MSI2: variants seen among roughly 807,000 people sequenced by gnomAD.
MSI2 encodes musashi RNA binding protein 2, also known as RNA-binding protein Musashi homolog 2.
A neutral mutation model predicts 45.6 loss-of-function variants in MSI2; 17 were observed. The observed-to-expected ratio is 0.37, with a 90% CI of 0.26 to 0.56. MSI2 has a LOEUF of 0.56. MSI2 is among the 20% of genes least tolerant of loss of function. The pLI is 0.77. For missense variants in MSI2, 293 were observed against 444.2 expected (o/e 0.66, Z 3.06); for synonymous variants, 156 against 158.2 (o/e 0.99, Z 0.11).
intron 11 of MSI2, chr17:57,671,673 G>GT (rs1912790204): frequency 6.7e-6 from 1 of 148,816 alleles, no homozygotes; most frequent in Non-Finnish European, 1.5e-5. Flanking sequence ...CCTTTCCTGC[G>GT]TAGCCAGCCA....
At chr17:57,622,476 A>G (rs754741893) in intron 9 of MSI2, among the ~76,000 whole-genome samples, 19 of 152,246 alleles carry the variant, frequency 1.2e-4, no homozygotes, top group Non-Finnish European at 2.4e-4. Context: ...TTAGAGAAAT[A>G]GCACATTGCT....
chr17:57,474,597 T>G (rs535548778), intron 6 of MSI2, among the ~76,000 whole-genome samples: 32 of 152,328 alleles, frequency 2.1e-4, no homozygotes, highest in African/African-American at 7.5e-4. Context: ...AAATTGCCCC[T>G]GGTTGAGAAT....
intron 7 of MSI2, among the ~76,000 whole-genome samples, chr17:57,568,539 A>C (rs1169561041): frequency 6.6e-6 from 1 of 152,194 alleles, no homozygotes; most frequent in Non-Finnish European, 1.5e-5. Context: ...AGGTGGTGAG[A>C]TCACTCTGAT....
chr17:57,419,886 C>G (rs764498018), intron 6 of MSI2, among the ~76,000 whole-genome samples: 1 of 152,162 alleles, frequency 6.6e-6, no homozygotes, highest in Non-Finnish European at 1.5e-5. Context: ...CCCCTGAGTC[C>G]GCACTGCTGC....
chr17:57,606,903 G>T (rs533328009), intron 8 of MSI2, among the ~76,000 whole-genome samples: 1 of 151,952 alleles, frequency 6.6e-6, no homozygotes, highest in Non-Finnish European at 1.5e-5. Flanking sequence ...GATGGGGGGG[G>T]GTGGCTGGCA....
intron 5 of MSI2, among the ~76,000 whole-genome samples, chr17:57,302,545 A>C (rs917664072): frequency 6.6e-6 from 1 of 152,236 alleles, no homozygotes; most frequent in African/African-American, 2.4e-5. Flanking sequence ...GAATCCAGGC[A>C]CACTTAAACA....
rs56105862 is a variant in MSI2 at position 57,468,520 on chromosome 17, CA to C, written c.406-61138del. On this transcript the variant is annotated intron_variant, in intron 6 of 13. Transcript: ENST00000284073. ...TGGGCAACAGAGCGAGACTCTATCTCAAAAAAAAAAAAAAAAAACAAGCAGT... is the reference window on the plus strand; with the variant it reads ...TGGGCAACAGAGCGAGACTCTATCTCAAAAAAAAAAAAAAAAACAAGCAGT... 3.8e-3 allele frequency among the ~76,000 whole-genome samples: 399 copies of C among 104,334 alleles called. 4 individuals carry two copies. The highest frequency in any genetic ancestry group is 0.011 in the African/African-American group (288 of 26,350). The allele number at this position is 104,334 out of a possible 152,430, so 68.4% of individuals were successfully genotyped here.
chr17:57,530,718 C>G (rs1015276954), intron 7 of MSI2, among the ~76,000 whole-genome samples: 1 of 152,132 alleles, frequency 6.6e-6, no homozygotes, highest in African/African-American at 2.4e-5. Context: ...CTGCTGTCAC[C>G]TGTGATTAGA....
Position 57,452,820 on chromosome 17 carries a change from C to T in MSI2, c.405+51349C>T, listed in dbSNP as rs188422655. 4.2e-3 allele frequency among the ~76,000 whole-genome samples: 643 copies of T among 152,188 alleles called. 8 individuals carry two copies. Among genetic ancestry groups the T allele is most frequent in the African/African-American group, 0.015 (617 of 41,512 alleles). On this transcript the variant is annotated intron_variant, in intron 6 of 13. Coordinates refer to ENST00000284073, the MANE Select transcript of MSI2 (RefSeq NM_138962.4). ...CCATGAGGGTGGTTCTGTCATCACC[C>T]TCGTCTTACAGGTGAGGACTTGGAG...
At chr17:57,534,341 G>A (rs2086879626) in intron 7 of MSI2, among the ~76,000 whole-genome samples, 1 of 152,224 alleles carries the variant, frequency 6.6e-6, no homozygotes, top group Non-Finnish European at 1.5e-5. Flanking sequence ...ATTTCCACTT[G>A]GAGAAATTAA....
Position 57,403,811 on chromosome 17 carries a change from G to A in MSI2, c.405+2340G>A, listed in dbSNP as rs28562964. Among the ~76,000 whole-genome samples, 645 of 152,176 alleles carry A rather than the reference G, an allele frequency of 4.2e-3. 2 individuals carry two copies. Among genetic ancestry groups the A allele is most frequent in the African/African-American group, 0.015 (625 of 41,484 alleles). ...TCAAAGTCAGGGAGACTCTGCTGCTGGGCCTTGGGAGCACTACAATGATTA... is the reference window on the plus strand; with the variant it reads ...TCAAAGTCAGGGAGACTCTGCTGCTAGGCCTTGGGAGCACTACAATGATTA... On this transcript the variant is annotated intron_variant, in intron 6 of 13. Transcript: ENST00000284073.
intron 11 of MSI2, among the ~76,000 whole-genome samples, chr17:57,669,903 C>T (rs889866982): frequency 1.3e-5 from 2 of 152,190 alleles, no homozygotes; most frequent in African/African-American, 4.8e-5. Context: ...GGTCTTCTGC[C>T]TGAAATGAAA....
At chr17:57,389,824 G>A (rs145676479) in intron 5 of MSI2, among the ~76,000 whole-genome samples, 3 of 152,280 alleles carry the variant, frequency 2.0e-5, no homozygotes, top group East Asian at 1.9e-4. Flanking sequence ...CACTTTATGC[G>A]TAGTTTGCCT....
chr17:57,470,660 G>GC (rs2085417627), intron 6 of MSI2, among the ~76,000 whole-genome samples: 1 of 152,210 alleles, frequency 6.6e-6, no homozygotes, highest in African/African-American at 2.4e-5. Context: ...AAGAATAGTT[G>GC]ACTGTGTGCA....
intron 8 of MSI2, among the ~76,000 whole-genome samples, chr17:57,607,698 A>G (rs1471980749): frequency 1.3e-5 from 2 of 152,220 alleles, no homozygotes; most frequent in African/African-American, 4.8e-5. Flanking sequence ...AATTTATTTA[A>G]AAAAGAAGTT....
chr17:57,545,587 G>C (rs960412534), intron 7 of MSI2, among the ~76,000 whole-genome samples: 19 of 152,174 alleles, frequency 1.2e-4, no homozygotes, highest in Non-Finnish European at 2.4e-4. Context: ...ATCACCGATG[G>C]GGGGACCAGT....
intron 5 of MSI2, among the ~76,000 whole-genome samples, chr17:57,273,293 G>A (rs1908532688): frequency 6.6e-6 from 1 of 152,062 alleles, no homozygotes; most frequent in Non-Finnish European, 1.5e-5. Flanking sequence ...AGGGAGCCAG[G>A]TTCAGAACTT....
chr17:57,513,477 T>C (rs1331137390), intron 6 of MSI2, among the ~76,000 whole-genome samples: 1 of 152,276 alleles, frequency 6.6e-6, no homozygotes, highest in African/African-American at 2.4e-5. Context: ...GGGACCTGGG[T>C]CTAGGTGCCC....
chr17:57,537,606 T>C (rs1407095455), intron 7 of MSI2, among the ~76,000 whole-genome samples: 1 of 152,212 alleles, frequency 6.6e-6, no homozygotes, highest in Admixed American at 6.5e-5. Context: ...TCCAAGACCT[T>C]AATTTTATTT....
Sources: gnomAD v4.1 joint callset for allele counts (sites outside exome capture counted in the v4.1 genomes callset) on GRCh38, gnomAD v4.1.1 for gene constraint, MANE v1.5 for transcripts, NCBI Gene and HGNC (gene_info 2026-07-23, HGNC 2026-07-21) for gene names.